Variants in COL22A1 observed in about 807,000 individuals in gnomAD.
COL22A1 encodes collagen type XXII alpha 1 chain, also known as collagen alpha-1(XXII) chain.
Under a neutral mutation model 248.9 loss-of-function variants are expected in COL22A1, and 221 were observed. That is an observed-to-expected ratio of 0.89 (90% CI 0.80 to 0.99). The LOEUF is 0.99. Ranked by LOEUF, COL22A1 falls within the 50% of genes least tolerant of loss-of-function variation. The pLI, the probability that COL22A1 is intolerant of heterozygous loss-of-function variation, is 0.00. For synonymous variants in COL22A1, 891 were observed against 793.4 expected (o/e 1.12, Z -2.07); for missense variants, 2,240 against 2,179.0 (o/e 1.03, Z -0.56).
intron 16 of COL22A1, among the ~76,000 whole-genome samples, chr8:138,773,870 C>T (rs953073721): frequency 6.6e-6 from 1 of 152,218 alleles, no homozygotes; most frequent in African/African-American, 2.4e-5. Context: ...GGATGTGAGT[C>T]TCAAGCTTCC....
In COL22A1 at chr8:138,596,970, C is replaced by G; in HGVS notation, c.4366G>C (p.Gly1456Arg). ...AGGGTTTCCATGGATGGAGACTCCC[C>G]CTAGGAGGGAGGGAAGGTGGAGTCA... is the stretch of plus-strand genomic sequence containing the variant. ...PGQPGFPGLR[G>R]ESPSMETLRR... The change falls in exon 62 of 65, where the codon GGG (glycine) becomes CGG (arginine). Residue 1456 changes from glycine (G) to arginine (R), a missense_variant and splice_region_variant. Physicochemically the swap from Gly to Arg is moderately radical, Grantham distance 125 (BLOSUM62 -2). Coordinates refer to ENST00000303045, the MANE Select transcript of COL22A1 (RefSeq NM_152888.3). The G allele has an allele frequency of 6.2e-7, 1 of 1,613,472 alleles. No individual in the cohort carries two copies. The highest frequency in any genetic ancestry group is 2.2e-5 in the East Asian group (1 of 44,854).
intron 15 of COL22A1, chr8:138,777,964 G>A (rs918679733): frequency 9.1e-6 from 3 of 330,486 alleles, no homozygotes; most frequent in Non-Finnish European, 1.7e-5. Context: ...GGACAGTCTG[G>A]CACTGTTCCA....
intron 4 of COL22A1, among the ~76,000 whole-genome samples, chr8:138,842,159 C>A (rs900052906): frequency 6.6e-6 from 1 of 152,370 alleles, no homozygotes; most frequent in Admixed American, 6.5e-5. Context: ...GTGGCTCAAT[C>A]TCTCTGTGCC....
Position 138,778,203 on chromosome 8 carries a change from G to A in COL22A1, c.1758+150C>T, listed in dbSNP as rs992628517. ...GGACTGTAACATCTAATAATTTCTG[G>A]TCTAAGAAAGGAGATACCAACACTT... On this transcript the variant is annotated intron_variant, in intron 15 of 64. Transcript: ENST00000303045. 7 of 805,136 alleles carry A rather than the reference G, an allele frequency of 8.7e-6. No individual in the cohort carries two copies. In the African/African-American group the frequency reaches 1.2e-4, roughly 14 times the overall value. The allele number at this position is 805,136 out of a possible 1,614,324, so 49.9% of individuals were successfully genotyped here.
chr8:138,877,737 C>T lies in COL22A1; in HGVS notation c.658+13G>A, dbSNP rs760404052. On this transcript the variant is annotated intron_variant, in intron 3 of 64. Coordinates refer to ENST00000303045, the MANE Select transcript of COL22A1 (RefSeq NM_152888.3). The stretch of plus-strand genomic sequence containing the variant: ...CTCTTGGGAGGGGCCGCATGGGGCC[C>T]GGGCGCACTCACTTTCACAAAGACG... 5.1e-6 allele frequency: 8 copies of T among 1,561,412 alleles called. No homozygotes were observed. The highest frequency in any genetic ancestry group is 4.5e-5 in the East Asian group (2 of 44,110).
intron 41 of COL22A1, among the ~76,000 whole-genome samples, chr8:138,673,458 C>T (rs925707850): frequency 5.3e-5 from 8 of 152,250 alleles, no homozygotes; most frequent in Admixed American, 3.3e-4. Context: ...ACCCACCTGC[C>T]GCAGCCTCCC....
chr8:138,761,884 G>A (rs562223014), intron 17 of COL22A1, among the ~76,000 whole-genome samples: 2 of 152,270 alleles, frequency 1.3e-5, no homozygotes, highest in African/African-American at 2.4e-5. Flanking sequence ...GTCTTTGTAA[G>A]TCACCAGATG....
At chr8:138,724,823 T>C (rs1361937543) in intron 24 of COL22A1, among the ~76,000 whole-genome samples, 155 bp from the exon 25 acceptor site, 1 of 152,136 alleles carries the variant, frequency 6.6e-6, no homozygotes, top group East Asian at 1.9e-4. Flanking sequence ...AAACGCGGAG[T>C]TGTTGCACCT....
At chr8:138,685,102 C>T (rs2130856491) in intron 38 of COL22A1, 106 bp downstream of exon 38, 2 of 814,680 alleles carry the variant, frequency 2.5e-6, no homozygotes. Flanking sequence ...ATTTCATTGG[C>T]CACGGTTCAA....
intron 41 of COL22A1, among the ~76,000 whole-genome samples, chr8:138,675,613 G>A (rs1204361143): frequency 1.3e-5 from 2 of 152,154 alleles, no homozygotes; most frequent in African/African-American, 4.8e-5. Context: ...AGCAAGACAG[G>A]GCTTTTAAGG....
At chr8:138,725,118 C>A (rs1245972539) in intron 24 of COL22A1, among the ~76,000 whole-genome samples, 1 of 152,232 alleles carries the variant, frequency 6.6e-6, no homozygotes, top group Non-Finnish European at 1.5e-5. Flanking sequence ...GAATGGGCAA[C>A]CCCAGGCTAA....
intron 12 of COL22A1, among the ~76,000 whole-genome samples, chr8:138,783,176 T>A (rs966563201): frequency 3.3e-5 from 5 of 152,146 alleles, no homozygotes; most frequent in Admixed American, 1.3e-4. Context: ...GACCCTCGCT[T>A]AGAGGAGGGT....
At chr8:138,660,332 A>G (rs2130662898) in intron 44 of COL22A1, 104 bp downstream of exon 44, 3 of 975,770 alleles carry the variant, frequency 3.1e-6, no homozygotes, top group Middle Eastern at 2.2e-4. Context: ...GTTTTGTCAA[A>G]TGTTCCTTTG....
At chr8:138,701,568 T>C (rs935294046) in intron 31 of COL22A1, among the ~76,000 whole-genome samples, 3 of 152,260 alleles carry the variant, frequency 2.0e-5, no homozygotes, top group South Asian at 4.1e-4. Context: ...TGTTTAGAAA[T>C]ATATAACTTT....
chr8:138,846,831 C>T (rs901018308), intron 3 of COL22A1, among the ~76,000 whole-genome samples: 12 of 152,212 alleles, frequency 7.9e-5, no homozygotes, highest in Non-Finnish European at 1.2e-4. Flanking sequence ...ATTGAGCTAC[C>T]TCTAGGGTCA....
chr8:138,715,849 C>G (rs1829391032), intron 29 of COL22A1, 114 bp from the exon 30 acceptor site: 2 of 766,724 alleles, frequency 2.6e-6, no homozygotes, highest in Admixed American at 4.7e-5. Context: ...ATATTTCTCT[C>G]TCTCACTTGT....
chr8:138,879,690 C>CAAAAAAA (rs372214665), intron 2 of COL22A1, among the ~76,000 whole-genome samples: 10 of 99,040 alleles, frequency 1.0e-4, no homozygotes, highest in Admixed American at 2.5e-4. Flanking sequence ...GACACTCTCT[C>CAAAAAAA]AAAAAAAAAA....
intron 41 of COL22A1, among the ~76,000 whole-genome samples, chr8:138,670,845 C>A (rs1341843525): frequency 6.6e-6 from 1 of 150,514 alleles, no homozygotes; most frequent in Non-Finnish European, 1.5e-5. Flanking sequence ...CCTGTAGTCC[C>A]AACTACTCAG....
chr8:138,778,507 T>C, intron 14 of COL22A1, 101 bp from the exon 15 acceptor site: 1 of 1,050,260 alleles, frequency 9.5e-7, no homozygotes, highest in Non-Finnish European at 1.4e-6. Context: ...CAAGAGCTGC[T>C]AGCTCACCTC....
Sources: gnomAD v4.1 joint callset for allele counts (sites outside exome capture counted in the v4.1 genomes callset) on GRCh38, gnomAD v4.1.1 for gene constraint, MANE v1.5 for transcripts, NCBI Gene and HGNC (gene_info 2026-07-23, HGNC 2026-07-21) for gene names.